The following RFTN1 variants were observed in gnomAD, a reference collection of about 807,000 sequenced individuals.
The protein encoded by RFTN1 is raftlin.
A neutral mutation model predicts 46.5 loss-of-function variants in RFTN1; 26 were observed. The observed-to-expected ratio is 0.56, with a 90% CI of 0.41 to 0.78. The LOEUF (loss-of-function observed/expected upper bound fraction) is 0.78. Ranked by LOEUF, RFTN1 falls within the 30% of genes least tolerant of loss-of-function variation. The pLI, the probability that RFTN1 is intolerant of heterozygous loss-of-function variation, is 0.00. For synonymous variants in RFTN1, 261 were observed against 284.2 expected (o/e 0.92, Z 0.82); for missense variants, 693 against 718.7 (o/e 0.96, Z 0.41).
At position 16,316,872 on chromosome 3, in the gene RFTN1, C is replaced by T. The variant is rs773923850; in HGVS notation, c.1693G>A (p.Asp565Asn). 7.4e-6 allele frequency: 12 copies of T among 1,614,216 alleles called. No individual in the cohort carries two copies. The highest frequency in any genetic ancestry group is 1.0e-5 in the Non-Finnish European group (12 of 1,180,026). The change falls in exon 10 of 10, where the codon GAT becomes AAT. Residue 565 changes from aspartate (D) to asparagine (N), a missense_variant. Transcript: ENST00000334133. This position sits in a 1 kb window ranked among gnomAD's most constrained non-coding sequence, Gnocchi z 4.5. ...CCAAGCTCTCTGACTTCCTCAGCAT[C>T]CCCGTCCCTGGCATCCTCTCCAGGA... The part of the protein sequence containing the change: ...SNPGEDARDG[D>N]AEEVRELGTV...
intron 4 of RFTN1, among the ~76,000 whole-genome samples, chr3:16,389,297 C>A (rs1024918390): frequency 6.6e-6 from 1 of 152,184 alleles, no homozygotes; most frequent in African/African-American, 2.4e-5. Context: ...CCACGGTAAA[C>A]AAGGCAGTTA....
In RFTN1 at chr3:16,335,025, T is replaced by C. The variant is rs2125262238; in HGVS notation, c.1147-8149A>G. On this transcript the variant is annotated intron_variant, in intron 7 of 9. Transcript: ENST00000334133. This position sits in a 1 kb window ranked among gnomAD's most constrained non-coding sequence, Gnocchi z 4.7. ...TCGGTAACAGATTGTCTCCTAAAAGTCTCCACAAAGAATGTGGTCCTGTCA... is the reference window on the plus strand; with the variant it reads ...TCGGTAACAGATTGTCTCCTAAAAGCCTCCACAAAGAATGTGGTCCTGTCA... Among the ~76,000 whole-genome samples the C allele has an allele frequency of 2.0e-5, 3 of 152,278 alleles. No individual in the cohort carries two copies. The East Asian group carries it at 5.8e-4, about 29-fold the overall frequency.
At chr3:16,494,386 T>C (rs1305184374) in intron 1 of RFTN1, among the ~76,000 whole-genome samples, 1 of 152,230 alleles carries the variant, frequency 6.6e-6, no homozygotes, top group Non-Finnish European at 1.5e-5. Flanking sequence ...GAAATTTATA[T>C]TCATAAAACA....
intron 8 of RFTN1, 82 bp downstream of exon 8, chr3:16,326,691 T>C: frequency 3.0e-6 from 3 of 1,001,126 alleles, no homozygotes; most frequent in Non-Finnish European, 4.6e-6. Context: ...AAATAATTTA[T>C]AGACGTGAGG....
At chr3:16,493,225 T>C (rs1196001543) in intron 2 of RFTN1, among the ~76,000 whole-genome samples, 1 of 142,438 alleles carries the variant, frequency 7.0e-6, no homozygotes, top group Non-Finnish European at 1.5e-5. Context: ...GTTAAAACTG[T>C]AATTCGTTGC....
At chr3:16,388,148 C>A (rs1003364140) in intron 4 of RFTN1, among the ~76,000 whole-genome samples, 1 of 152,234 alleles carries the variant, frequency 6.6e-6, no homozygotes, top group Non-Finnish European at 1.5e-5. Context: ...TTGTTTCCCC[C>A]CTACCCCAAG....
intron 7 of RFTN1, among the ~76,000 whole-genome samples, chr3:16,347,249 A>G (rs528944499): frequency 1.3e-5 from 2 of 152,268 alleles, no homozygotes; most frequent in South Asian, 4.1e-4. Context: ...TGTCAAGGAC[A>G]CCCTACAGGG....
In RFTN1 at chr3:16,498,666, A is replaced by T. The variant is rs1339659995; in HGVS notation, c.-8-4789T>A. 6.6e-6 allele frequency among the ~76,000 whole-genome samples: 1 copy of T among 152,116 alleles called. No individual in the cohort carries two copies. The highest frequency in any genetic ancestry group is 2.4e-5 in the African/African-American group (1 of 41,414). On this transcript the variant is annotated intron_variant, in intron 1 of 9. Coordinates refer to ENST00000334133, the MANE Select transcript of RFTN1 (RefSeq NM_015150.2). The surrounding 1 kb of genome is among the most constrained non-coding windows in gnomAD (Gnocchi z 5.2). The stretch of plus-strand genomic sequence containing the variant: ...CACAGGAAGTAGTTGCTGGCCATCA[A>T]AACCTTAGTGTGAATTAGTTCCTCC...
At chr3:16,417,225 C>T (rs1301430434) in intron 3 of RFTN1, among the ~76,000 whole-genome samples, 4 of 151,728 alleles carry the variant, frequency 2.6e-5, no homozygotes. Flanking sequence ...CTACGTTGCC[C>T]AGGCCATCAA....
At chr3:16,412,897 TG>T (rs2075003941) in intron 3 of RFTN1, among the ~76,000 whole-genome samples, 1 of 152,208 alleles carries the variant, frequency 6.6e-6, no homozygotes, top group Non-Finnish European at 1.5e-5. Flanking sequence ...AGATGATTCC[TG>T]CCAACAAACT....
In RFTN1 at chr3:16,450,870, G is replaced by A. The variant is rs2075812105; in HGVS notation, c.146-16833C>T. 6.6e-6 allele frequency among the ~76,000 whole-genome samples: 1 copy of A among 152,074 alleles called. No individual in the cohort carries two copies. The highest frequency in any genetic ancestry group is 2.4e-5 in the African/African-American group (1 of 41,402). ...GGCAAAGACAGCTCCTAGGTCTCTGGTTTGCATGGACCTGAACAGATAGTG... is the reference window on the plus strand; with the variant it reads ...GGCAAAGACAGCTCCTAGGTCTCTGATTTGCATGGACCTGAACAGATAGTG... On this transcript the variant is annotated intron_variant, in intron 2 of 9. Coordinates refer to ENST00000334133, the MANE Select transcript of RFTN1 (RefSeq NM_015150.2). The surrounding 1 kb of genome is among the most constrained non-coding windows in gnomAD (Gnocchi z 4.6).
In RFTN1 at chr3:16,351,557, C is replaced by G. The variant is rs1014778315; in HGVS notation, c.1146+6375G>C. ...GTAATGATACCCTAAGCCATTCTAC[C>G]TGAGGCTGTACTTGCAGAAATACAA... is the stretch of plus-strand genomic sequence containing the variant. On this transcript the variant is annotated intron_variant, in intron 7 of 9. Coordinates refer to ENST00000334133, the MANE Select transcript of RFTN1 (RefSeq NM_015150.2). The surrounding 1 kb of genome is among the most constrained non-coding windows in gnomAD (Gnocchi z 5.4). Among the ~76,000 whole-genome samples, 3 of 152,154 alleles carry G rather than the reference C, an allele frequency of 2.0e-5. No homozygotes were observed. The highest frequency in any genetic ancestry group is 2.0e-4 in the Admixed American group (3 of 15,286).
chr3:16,325,413 G>A (rs1248535508), intron 8 of RFTN1, among the ~76,000 whole-genome samples: 6 of 152,214 alleles, frequency 3.9e-5, no homozygotes, highest in Non-Finnish European at 8.8e-5. Context: ...AGAGAGACCT[G>A]TCTGTAGCCC....
Position 16,460,600 on chromosome 3 carries a change from A to AT in RFTN1, c.146-26564dup, listed in dbSNP as rs1332168787. Among the ~76,000 whole-genome samples the AT allele has an allele frequency of 1.3e-5, 2 of 151,062 alleles. No individual in the cohort carries two copies. The highest frequency in any genetic ancestry group is 3.0e-5 in the Non-Finnish European group (2 of 67,244). ...AGCAGAGGCTGGGTGGGGAATATAT[A>AT]TTTTTTTAACCTAAATCTTCTTCTC... On this transcript the variant is annotated intron_variant, in intron 2 of 9. Coordinates refer to ENST00000334133, the MANE Select transcript of RFTN1 (RefSeq NM_015150.2). The surrounding 1 kb of genome is among the most constrained non-coding windows in gnomAD (Gnocchi z 4.8).
chr3:16,499,008 C>T lies in RFTN1; in HGVS notation c.-8-5131G>A, dbSNP rs1358903640. On this transcript the variant is annotated intron_variant, in intron 1 of 9. Transcript: ENST00000334133. This position sits in a 1 kb window ranked among gnomAD's most constrained non-coding sequence, Gnocchi z 4.9. The stretch of plus-strand genomic sequence containing the variant: ...ATGGAGGCAAAAGATGGGTATGTTG[C>T]TTTTGAGGGCAGTGGGAGGGAAGGC... Among the ~76,000 whole-genome samples the T allele has an allele frequency of 5.3e-5, 8 of 152,236 alleles. No individual in the cohort carries two copies. Among genetic ancestry groups the T allele is most frequent in the Admixed American group, 2.6e-4 (4 of 15,296 alleles).
intron 6 of RFTN1, among the ~76,000 whole-genome samples, chr3:16,365,156 C>T (rs1265843650): frequency 6.6e-6 from 1 of 151,026 alleles, no homozygotes; most frequent in Non-Finnish European, 1.5e-5. Flanking sequence ...ACCACTAGGC[C>T]AGACATTCCT....
Position 16,483,936 on chromosome 3 carries a change from G to GC in RFTN1, c.145+9788dup, listed in dbSNP as rs1303885557. 6.6e-6 allele frequency among the ~76,000 whole-genome samples: 1 copy of GC among 152,152 alleles called. No homozygotes were observed. Among genetic ancestry groups the GC allele is most frequent in the African/African-American group, 2.4e-5 (1 of 41,440 alleles). On this transcript the variant is annotated intron_variant, in intron 2 of 9. Transcript: ENST00000334133. The surrounding 1 kb of genome is among the most constrained non-coding windows in gnomAD (Gnocchi z 4.8). ...GGCCCAGGACTCTGCATTTTGACAA[G>GC]CCCTCCAGGCTATTCTGATTCACTC...
At chr3:16,396,821 G>T (rs369153225) in intron 4 of RFTN1, among the ~76,000 whole-genome samples, 2 of 152,152 alleles carry the variant, frequency 1.3e-5, no homozygotes, top group Non-Finnish European at 2.9e-5. Context: ...CCAGCACTTC[G>T]GGAAGCTGAG....
intron 3 of RFTN1, among the ~76,000 whole-genome samples, chr3:16,420,018 C>A (rs1559337758): frequency 3.9e-5 from 6 of 152,228 alleles, no homozygotes; most frequent in Admixed American, 2.6e-4. Context: ...AACTATCCGA[C>A]CCTGCTATTT....
Sources: gnomAD v4.1 joint callset for allele counts (sites outside exome capture counted in the v4.1 genomes callset) on GRCh38, gnomAD v4.1.1 for gene constraint, Gnocchi (gnomAD v3.1) non-coding constraint, MANE v1.5 for transcripts, NCBI Gene and HGNC (gene_info 2026-07-23, HGNC 2026-07-21) for gene names.